SLC35F4: variants seen among roughly 807,000 people sequenced by gnomAD.
The protein encoded by SLC35F4 is chromosome 14 open reading frame 36.
SLC35F4 carries 24 observed loss-of-function variants against 44.2 expected under a neutral mutation model. The ratio of observed to expected loss-of-function variants is 0.54; its 90% confidence interval spans 0.39 to 0.76. The LOEUF (loss-of-function observed/expected upper bound fraction) is 0.76, where lower values mean the gene tolerates loss of function less well. SLC35F4 is among the 30% of genes least tolerant of loss of function. The pLI is 0.00. For missense variants in SLC35F4, 562 were observed against 586.1 expected (o/e 0.96, Z 0.42); for synonymous variants, 238 against 223.6 (o/e 1.06, Z -0.57).
intron 1 of SLC35F4, among the ~76,000 whole-genome samples, chr14:57,703,322 G>A (rs1215147150): frequency 2.6e-5 from 4 of 152,182 alleles, no homozygotes; most frequent in African/African-American, 9.7e-5. Context: ...TTAAATCAGT[G>A]TCCTTTACTA....
chr14:57,785,730 A>C (rs988422534), intron 1 of SLC35F4, among the ~76,000 whole-genome samples: 11 of 152,120 alleles, frequency 7.2e-5, no homozygotes, highest in African/African-American at 2.4e-4. Context: ...AGCTGAGTGA[A>C]ATACTGGGGA....
chr14:57,565,927 T>G (rs1486892069), intron 7 of SLC35F4, among the ~76,000 whole-genome samples: 1 of 152,258 alleles, frequency 6.6e-6, no homozygotes, highest in Non-Finnish European at 1.5e-5. Context: ...ATAATCCATT[T>G]GCATTACTTG....
intron 1 of SLC35F4, among the ~76,000 whole-genome samples, chr14:57,889,537 C>G (rs755053388): frequency 1.3e-5 from 2 of 152,222 alleles, no homozygotes; most frequent in Admixed American, 1.3e-4. Context: ...CAGGCAGGCT[C>G]TATTGTCACT....
At chr14:57,722,537 G>A (rs1351605533) in intron 1 of SLC35F4, among the ~76,000 whole-genome samples, 1 of 152,198 alleles carries the variant, frequency 6.6e-6, no homozygotes, top group Non-Finnish European at 1.5e-5. Context: ...AGTGGGAGCT[G>A]CAGTCACTCA....
At chr14:57,565,677 C>T (rs537898951) in intron 7 of SLC35F4, among the ~76,000 whole-genome samples, 9 of 152,298 alleles carry the variant, frequency 5.9e-5, no homozygotes, top group African/African-American at 2.2e-4. Flanking sequence ...CACAATTTGG[C>T]ATTTAATATT....
intron 1 of SLC35F4, among the ~76,000 whole-genome samples, chr14:57,824,658 G>A (rs888580252): frequency 2.6e-5 from 4 of 152,134 alleles, no homozygotes; most frequent in African/African-American, 9.7e-5. Flanking sequence ...GAGATATCTG[G>A]GGGAAGAGTG....
chr14:57,604,649 G>C (rs1301695433), intron 1 of SLC35F4, among the ~76,000 whole-genome samples: 1 of 152,052 alleles, frequency 6.6e-6, no homozygotes, highest in Non-Finnish European at 1.5e-5. Context: ...AATAGCTAAA[G>C]CAATCCTAAG....
chr14:57,662,974 A>G (rs1312635822), intron 1 of SLC35F4, among the ~76,000 whole-genome samples: 5 of 152,192 alleles, frequency 3.3e-5, no homozygotes, highest in South Asian at 2.1e-4. Flanking sequence ...ACAACTCCCA[A>G]TGGGTGTTCC....
rs545515839 is a variant in SLC35F4 at position 57,952,387 on chromosome 14, A to C, written n.282+29526T>G. Among the ~76,000 whole-genome samples, 6 of 152,296 alleles carry C rather than the reference A, an allele frequency of 3.9e-5. No individual in the cohort carries two copies. The East Asian group carries it at 1.2e-3, about 30-fold the overall frequency. On this transcript the variant is annotated intron_variant and non_coding_transcript_variant, in intron 1 of 1. Transcript: ENST00000556568. Reference sequence around the variant, plus strand: ...AACCAGAATGCCTCTTCTCCTCCAAAGGATCACAACTTCTCACCAGCAAGG... The same window carrying C: ...AACCAGAATGCCTCTTCTCCTCCAACGGATCACAACTTCTCACCAGCAAGG...
intron 1 of SLC35F4, among the ~76,000 whole-genome samples, chr14:57,693,400 T>C (rs778827854): frequency 6.6e-6 from 1 of 152,076 alleles, no homozygotes; most frequent in Non-Finnish European, 1.5e-5. Flanking sequence ...TGGAAGGTTG[T>C]GGGTTTACCG....
At chr14:57,595,313 C>G (rs948071354) in intron 1 of SLC35F4, among the ~76,000 whole-genome samples, 2 of 152,312 alleles carry the variant, frequency 1.3e-5, no homozygotes, top group South Asian at 2.1e-4. Flanking sequence ...GTAAAGAATC[C>G]TTCTCATCAT....
At chr14:57,726,506 C>G (rs2076206815) in intron 1 of SLC35F4, among the ~76,000 whole-genome samples, 1 of 152,086 alleles carries the variant, frequency 6.6e-6, no homozygotes, top group Non-Finnish European at 1.5e-5. Context: ...ATTTTATTTC[C>G]TTTTCCTTTA....
chr14:57,734,002 A>AT (rs2076407616), intron 1 of SLC35F4, among the ~76,000 whole-genome samples: 1 of 152,202 alleles, frequency 6.6e-6, no homozygotes, highest in African/African-American at 2.4e-5. Flanking sequence ...CTATTCAGCC[A>AT]TGTCATCCCT....
chr14:57,705,352 C>T (rs1957697), intron 1 of SLC35F4, among the ~76,000 whole-genome samples: 139,301 of 152,226 alleles, frequency 0.92, 64,405 homozygotes, highest in Non-Finnish European at 1. Context: ...CTAGTGCATA[C>T]ACAGTTATTA....
intron 1 of SLC35F4, among the ~76,000 whole-genome samples, chr14:57,958,101 G>A (rs1047241624): frequency 7.1e-4 from 108 of 151,904 alleles, no homozygotes; most frequent in African/African-American, 2.6e-3. Flanking sequence ...TGTCGCCCAG[G>A]CTGCAGTGCA....
chr14:57,817,510 A>G (rs894262330), intron 1 of SLC35F4, among the ~76,000 whole-genome samples: 1 of 152,152 alleles, frequency 6.6e-6, no homozygotes, highest in Non-Finnish European at 1.5e-5. Flanking sequence ...GCTGCACCAC[A>G]GCCTGAGGAA....
chr14:57,935,483 A>G (rs1889779283), intron 1 of SLC35F4, among the ~76,000 whole-genome samples: 4 of 152,232 alleles, frequency 2.6e-5, no homozygotes, highest in Admixed American at 2.6e-4. Context: ...CCAAGGCATT[A>G]AAGTGGGTTC....
intron 1 of SLC35F4, among the ~76,000 whole-genome samples, chr14:57,730,103 C>T (rs2140468824): frequency 6.6e-6 from 1 of 152,308 alleles, no homozygotes; most frequent in African/African-American, 2.4e-5. Flanking sequence ...AGGGGTAGTG[C>T]TGGTGATTCA....
chr14:57,961,016 C>T (rs1435899325), intron 1 of SLC35F4, among the ~76,000 whole-genome samples: 2 of 152,140 alleles, frequency 1.3e-5, no homozygotes, highest in South Asian at 2.1e-4. Flanking sequence ...CCGGAGCACA[C>T]GTGTGGTGCT....
Sources: gnomAD v4.1 joint callset for allele counts (sites outside exome capture counted in the v4.1 genomes callset) on GRCh38, gnomAD v4.1.1 for gene constraint, MANE v1.5 for transcripts, NCBI Gene and HGNC (gene_info 2026-07-23, HGNC 2026-07-21) for gene names.